Variants in PIK3C2A observed in about 807,000 individuals in gnomAD.
The protein encoded by PIK3C2A is phosphatidylinositol-4-phosphate 3-kinase catalytic subunit type 2 alpha.
In PIK3C2A, 97 loss-of-function variants were observed where a neutral mutation model predicts 204.5. That is an observed-to-expected ratio of 0.47 (90% CI 0.40 to 0.56). The LOEUF is 0.56. Among genes scored for constraint, PIK3C2A ranks in the 20% least tolerant of loss-of-function variants. The pLI is 0.00. For synonymous variants in PIK3C2A, 653 were observed against 664.4 expected, an observed-to-expected ratio of 0.98 and a Z score of 0.26; for missense variants, 1,735 against 1,969.2, an observed-to-expected ratio of 0.88 and a Z score of 2.25.
chr11:17,186,214 T>C (rs1851745383), intron 1 of PIK3C2A, among the ~76,000 whole-genome samples: 1 of 152,154 alleles, frequency 6.6e-6, no homozygotes, highest in African/African-American at 2.4e-5. Context: ...GTGACACTTG[T>C]GTAAAGTCCT....
intron 1 of PIK3C2A, among the ~76,000 whole-genome samples, chr11:17,173,145 C>T (rs540709904): frequency 1.0e-3 from 153 of 152,340 alleles, no homozygotes; most frequent in African/African-American, 3.5e-3. Context: ...GCTTTCTCTT[C>T]TTCACTTCTG....
At position 17,119,207 on chromosome 11, in the gene PIK3C2A, G is replaced by C. The variant is rs1849297393; in HGVS notation, c.2940+13C>G. 1 of 1,440,912 alleles carries C rather than the reference G, an allele frequency of 6.9e-7. No individual in the cohort carries two copies. The highest frequency in any genetic ancestry group is 9.7e-7 in the Non-Finnish European group (1 of 1,026,920). 89.3% of individuals were successfully genotyped at this position (1,440,912 alleles called of 1,614,324 possible). ...TGAAAGTATAAAGGGAGGTAATCTA[G>C]TAAAAAACTCACTTGTACAAACTGT... On this transcript the variant is annotated intron_variant, in intron 17 of 32. Coordinates refer to ENST00000691414, the MANE Select transcript of PIK3C2A (RefSeq NM_002645.4).
At position 17,179,922 on chromosome 11, in the gene PIK3C2A, A is replaced by C. The variant is rs1003915187; in HGVS notation, c.-65-10116T>G. On this transcript the variant is annotated intron_variant, in intron 1 of 32. Transcript: ENST00000691414. ...ATTGTCCTGGCTCTATATCAGTGTA[A>C]AGAAATTCTATCATGAAAACAAGAC... Among the ~76,000 whole-genome samples the C allele has an allele frequency of 2.0e-5, 3 of 152,164 alleles. 1 individual carries two copies. The highest frequency in any genetic ancestry group is 1.3e-4 in the Admixed American group (2 of 15,278).
At chr11:17,117,715 T>G (rs1371753167) in intron 18 of PIK3C2A, 44 bp from the exon 19 acceptor site, 14 of 1,161,444 alleles carry the variant, frequency 1.2e-5, no homozygotes, top group East Asian at 7.3e-5. Context: ...TTGGTTTTTT[T>G]TTTTTTTTTT....
At chr11:17,137,918 G>C (rs1565267453) in intron 8 of PIK3C2A, 7 of 405,498 alleles carry the variant, frequency 1.7e-5, no homozygotes, top group Middle Eastern at 7.7e-4. Flanking sequence ...CTGGGTTCCT[G>C]CCTTCTAATT....
At chr11:17,102,420 C>G (rs938519504) in intron 24 of PIK3C2A, among the ~76,000 whole-genome samples, 6 of 152,104 alleles carry the variant, frequency 3.9e-5, no homozygotes, top group Non-Finnish European at 7.4e-5. Context: ...CTGGGCGACA[C>G]AGCAAGACTC....
At position 17,135,266 on chromosome 11, in the gene PIK3C2A, A is replaced by C. The variant is rs1849833351; in HGVS notation, c.1849-107T>G. 3.0e-6 allele frequency: 3 copies of C among 986,764 alleles called. No homozygotes were observed. In the African/African-American group the frequency reaches 4.9e-5, roughly 16 times the overall value. 61.1% of individuals were successfully genotyped at this position (986,764 alleles called of 1,614,324 possible). On this transcript the variant is annotated intron_variant, in intron 9 of 32. Transcript: ENST00000691414. ...TCTTTCCAGGGGAAACCTCCCAAGT[A>C]TCTACAGAATTAATAAAACGATAAA... is the stretch of plus-strand genomic sequence containing the variant.
intron 2 of PIK3C2A, among the ~76,000 whole-genome samples, chr11:17,168,054 G>T (rs904412489): frequency 6.6e-6 from 1 of 152,028 alleles, no homozygotes; most frequent in Non-Finnish European, 1.5e-5. Context: ...AAAGAAGGGA[G>T]CATATGTAAT....
chr11:17,115,016 G>C (rs898682041), intron 19 of PIK3C2A, among the ~76,000 whole-genome samples: 4 of 152,146 alleles, frequency 2.6e-5, no homozygotes, highest in African/African-American at 4.8e-5. Context: ...AATGTATATA[G>C]AGGTAATAGT....
intron 18 of PIK3C2A, among the ~76,000 whole-genome samples, chr11:17,118,192 A>C (rs1173192597): frequency 6.6e-6 from 1 of 150,718 alleles, no homozygotes; most frequent in Non-Finnish European, 1.5e-5. Flanking sequence ...CCACCTCAGC[A>C]TCCCAACTAG....
At chr11:17,142,611 TCAAGACCAGCC>T (rs903443417) in intron 8 of PIK3C2A, among the ~76,000 whole-genome samples, 4 of 152,020 alleles carry the variant, frequency 2.6e-5, no homozygotes, top group Admixed American at 6.6e-5. Context: ...GCCCAGGAGT[TCAAGACCAGCC>T]CAGACAACAC....
intron 2 of PIK3C2A, 33 bp from the exon 3 acceptor site, chr11:17,155,662 T>G (rs564750804): frequency 7.0e-6 from 9 of 1,292,280 alleles, no homozygotes; most frequent in East Asian, 2.3e-5. Flanking sequence ...ATTTTAAAAG[T>G]GGAAGATCCA....
intron 13 of PIK3C2A, among the ~76,000 whole-genome samples, chr11:17,123,330 C>G (rs1158419780): frequency 6.6e-6 from 1 of 151,878 alleles, no homozygotes; most frequent in African/African-American, 2.4e-5. Flanking sequence ...TAAGTGCAGC[C>G]TTGACCTCCC....
intron 8 of PIK3C2A, among the ~76,000 whole-genome samples, chr11:17,140,756 G>C (rs1429500463): frequency 1.3e-5 from 2 of 152,074 alleles, no homozygotes; most frequent in Non-Finnish European, 2.9e-5. Flanking sequence ...CTATGCATTG[G>C]CTAAGAATCA....
chr11:17,110,954 C>G (rs1184711886), intron 21 of PIK3C2A, among the ~76,000 whole-genome samples: 1 of 152,060 alleles, frequency 6.6e-6, no homozygotes, highest in Non-Finnish European at 1.5e-5. Flanking sequence ...ATCACCCAGG[C>G]TGGAGTGCAG....
At chr11:17,122,109 A>G in intron 15 of PIK3C2A, 79 bp downstream of exon 15, 1 of 799,004 alleles carries the variant, frequency 1.3e-6, no homozygotes, top group Non-Finnish European at 2.0e-6. Flanking sequence ...GAACAGAATC[A>G]GGTTATTTAA....
intron 22 of PIK3C2A, among the ~76,000 whole-genome samples, chr11:17,108,382 T>C (rs1444666694): frequency 6.6e-6 from 1 of 152,104 alleles, no homozygotes. Flanking sequence ...GGTGGTAGGA[T>C]TTCGTGAGAC....
At position 17,118,648 on chromosome 11, in the gene PIK3C2A, T is replaced by C; in HGVS notation, c.3032A>G (p.Tyr1011Cys). 1 of 1,365,196 alleles carries C rather than the reference T, an allele frequency of 7.3e-7. No individual in the cohort carries two copies. The highest frequency in any genetic ancestry group is 1.4e-5 in the African/African-American group (1 of 69,814). The allele number at this position is 1,365,196 out of a possible 1,614,324, so 84.6% of individuals were successfully genotyped here. ...LGNIQIAHNL[Y>C]WLLKDALHDV... ...ATCAATAAAATTTAAATCTTACCAA[T>C]ATAAATTGTGTGCTATCTGGATATT... Residue 1011 changes from tyrosine (Y) to cysteine (C), a missense_variant, in exon 18 of 33, where the codon TAT becomes TGT. Around this residue, in one of 6 missense-constraint regions of PIK3C2A, gnomAD observed 567 missense variants for 576.0 expected, o/e 0.98. Coordinates refer to ENST00000691414, the MANE Select transcript of PIK3C2A (RefSeq NM_002645.4).
chr11:17,139,558 C>A (rs546325918), intron 8 of PIK3C2A, among the ~76,000 whole-genome samples: 2 of 152,136 alleles, frequency 1.3e-5, no homozygotes, highest in African/African-American at 4.8e-5. Context: ...GTACAATTTC[C>A]GTCTCCTGGC....
Sources: allele counts gnomAD v4.1 joint callset (sites outside exome capture counted in the v4.1 genomes callset), GRCh38; gene constraint gnomAD v4.1.1; regional missense constraint gnomAD v4.1.1; transcripts MANE v1.5; gene names NCBI Gene and HGNC (gene_info 2026-07-23, HGNC 2026-07-21).